The following DOCK8 variants were observed in gnomAD, a reference collection of about 807,000 sequenced individuals.
DOCK8 encodes the protein dedicator of cytokinesis 8.
A neutral mutation model predicts 245.6 loss-of-function variants in DOCK8; 141 were observed. The observed-to-expected ratio is 0.57, with a 90% CI of 0.50 to 0.66. The LOEUF is 0.66. Ranked by LOEUF, DOCK8 falls within the 30% of genes least tolerant of loss-of-function variation. The pLI is 0.00. For missense variants in DOCK8, 2,965 were observed against 2,603.4 expected (o/e 1.14, Z -3.02); for synonymous variants, 1,168 against 970.2 (o/e 1.20, Z -3.79).
intron 6 of DOCK8, among the ~76,000 whole-genome samples, chr9:315,373 T>A (rs1486038554): frequency 1.3e-5 from 2 of 152,182 alleles, no homozygotes; most frequent in Non-Finnish European, 2.9e-5. Flanking sequence ...CTGAGGAAAT[T>A]CATATAGCTT....
chr9:238,242 G>A (rs748516936), intron 1 of DOCK8, among the ~76,000 whole-genome samples: 2 of 152,152 alleles, frequency 1.3e-5, no homozygotes, highest in Non-Finnish European at 2.9e-5. Context: ...TTCCATCCCA[G>A]CTCCACTGAT....
chr9:236,968 T>G (rs1169391283), intron 1 of DOCK8, among the ~76,000 whole-genome samples: 2 of 152,236 alleles, frequency 1.3e-5, no homozygotes, highest in East Asian at 3.8e-4. Flanking sequence ...GCTTACAAGA[T>G]TCATCAATCT....
At chr9:452,197 C>T in intron 46 of DOCK8, 80 bp downstream of exon 46, 1 of 895,534 alleles carries the variant, frequency 1.1e-6, no homozygotes, top group Non-Finnish European at 1.8e-6. Context: ...TTCAGCATCA[C>T]CTGAGAACTT....
chr9:415,422 T>G (rs1014931817), intron 29 of DOCK8, among the ~76,000 whole-genome samples: 1 of 152,220 alleles, frequency 6.6e-6, no homozygotes, highest in Non-Finnish European at 1.5e-5. Context: ...ATTAGAAAAT[T>G]CTATCATAGC....
intron 14 of DOCK8, 29 bp from the exon 15 acceptor site, chr9:367,989 T>G (rs765247243): frequency 7.7e-6 from 12 of 1,562,084 alleles, no homozygotes; most frequent in Middle Eastern, 1.7e-4. Flanking sequence ...TAGACCTTTT[T>G]CATTGATTCT....
intron 14 of DOCK8, among the ~76,000 whole-genome samples, chr9:364,835 G>A (rs1003810731): frequency 1.3e-5 from 2 of 152,100 alleles, no homozygotes; most frequent in African/African-American, 4.8e-5. Flanking sequence ...AGTCATTTCT[G>A]TTAAGATAAT....
In DOCK8 at chr9:449,079, G is replaced by A. The variant is rs116649570; in HGVS notation, c.5818-705G>A. ...AGTTGAGTAACATGAGGCTGTGTGC[G>A]GTGGCTCTTGCCTGTAATCCCAGCA... is the stretch of plus-strand genomic sequence containing the variant. On this transcript the variant is annotated intron_variant, in intron 44 of 47. Transcript: ENST00000432829. Among the ~76,000 whole-genome samples, 1,322 of 152,278 alleles carry A rather than the reference G, an allele frequency of 8.7e-3. 27 individuals carry two copies. The highest frequency in any genetic ancestry group is 0.03 in the African/African-American group (1,241 of 41,544).
At chr9:291,138 TA>T (rs1001287911) in intron 4 of DOCK8, among the ~76,000 whole-genome samples, 7 of 152,068 alleles carry the variant, frequency 4.6e-5, no homozygotes, top group African/African-American at 9.7e-5. Flanking sequence ...ATTAAAGATC[TA>T]AAAAAAATCT....
At chr9:429,587 G>A (rs2056632674) in intron 35 of DOCK8, 115 bp from the exon 36 acceptor site, 3 of 1,208,016 alleles carry the variant, frequency 2.5e-6, no homozygotes, top group South Asian at 1.2e-5. Flanking sequence ...ATGGAATAAT[G>A]CATTAACTCT....
Position 334,457 on chromosome 9 carries a change from G to A in DOCK8, c.1285+73G>A, listed in dbSNP as rs747430942. The stretch of plus-strand genomic sequence containing the variant: ...CTGCCCAGGTCCACAGCTTACTAGC[G>A]GGGACTGGGGGCACAGTGAGGTGTG... On this transcript the variant is annotated intron_variant, in intron 11 of 47. Transcript: ENST00000432829. 114 of 1,516,458 alleles carry A rather than the reference G, an allele frequency of 7.5e-5. No homozygotes were observed. The South Asian group carries it at 8.2e-4, about 11-fold the overall frequency. 93.9% of individuals were successfully genotyped at this position (1,516,458 alleles called of 1,614,324 possible). A position where few individuals can be genotyped will look rare whatever the true frequency, so the allele number is the denominator to read the frequency against.
In DOCK8 at chr9:400,909, C is replaced by T. The variant is rs1564016274; in HGVS notation, c.3234+1650C>T. 1.2e-4 allele frequency among the ~76,000 whole-genome samples: 14 copies of T among 120,456 alleles called. 2 individuals carry two copies. The highest frequency in any genetic ancestry group is 4.3e-3 in the Middle Eastern group (1 of 234). 79.0% of individuals were successfully genotyped at this position (120,456 alleles called of 152,430 possible). ...CCACCACCACCTCCCCCACTACCAA[C>T]AGCTCCTTCACCATCACCACAACAT... On this transcript the variant is annotated intron_variant, in intron 26 of 47. Transcript: ENST00000432829.
At chr9:279,465 G>A (rs1390680173) in intron 2 of DOCK8, among the ~76,000 whole-genome samples, 1 of 152,204 alleles carries the variant, frequency 6.6e-6, no homozygotes, top group Non-Finnish European at 1.5e-5. Context: ...CCAGGGCACT[G>A]CATAGCAGGA....
chr9:299,351 A>G (rs546926363), intron 4 of DOCK8, among the ~76,000 whole-genome samples: 26 of 152,270 alleles, frequency 1.7e-4, no homozygotes, highest in African/African-American at 6.0e-4. Flanking sequence ...ATAACTGTTA[A>G]TGGACAATCC....
chr9:328,401 T>C (rs1347954321), intron 9 of DOCK8, among the ~76,000 whole-genome samples: 1 of 152,234 alleles, frequency 6.6e-6, no homozygotes, highest in Non-Finnish European at 1.5e-5. Context: ...CTTTACAACC[T>C]AGTAATTAAA....
At chr9:319,509 A>G (rs973116708) in intron 7 of DOCK8, among the ~76,000 whole-genome samples, 4 of 152,228 alleles carry the variant, frequency 2.6e-5, no homozygotes, top group Non-Finnish European at 5.9e-5. Context: ...ACTTAGAGTA[A>G]ACTAGATGAA....
chr9:219,549 G>A (rs2046837897), intron 1 of DOCK8, among the ~76,000 whole-genome samples: 1 of 152,136 alleles, frequency 6.6e-6, no homozygotes, highest in South Asian at 2.1e-4. Context: ...TTTTATGAAA[G>A]ACAAAAACAA....
Position 446,517 on chromosome 9 carries a change from C to T in DOCK8, c.5728C>T (p.His1910Tyr). Residue 1910 changes from histidine to tyrosine, a missense_variant, in exon 44 of 48, where the codon CAT becomes TAT. His to Tyr is a moderately conservative substitution (Grantham distance 83). This residue lies in a region of DOCK8 where 2,825 missense variants were observed against 2,453.5 expected (regional missense o/e 1.15). Transcript: ENST00000432829. ...TLEGRPRGELHEQYRRNTVLT... is the reference protein window; with the variant it reads ...TLEGRPRGELYEQYRRNTVLT... ...GGAGGGGCGGCCTCGGGGAGAGCTG[C>T]ATGAGCAGTACAGAAGGAACACAGT... The T allele has an allele frequency of 6.2e-7, 1 of 1,614,252 alleles. No individual in the cohort carries two copies. Among genetic ancestry groups the T allele is most frequent in the South Asian group, 1.1e-5 (1 of 91,090 alleles).
intron 1 of DOCK8, among the ~76,000 whole-genome samples, chr9:249,784 A>ATT (rs5895836): frequency 0.14 from 20,464 of 141,756 alleles, 1,764 homozygotes; most frequent in East Asian, 0.4. Context: ...TGCCTGGCTA[A>ATT]TTTTTTTTTT....
intron 25 of DOCK8, among the ~76,000 whole-genome samples, chr9:398,759 T>C (rs2054584954): frequency 1.3e-5 from 2 of 151,704 alleles, no homozygotes; most frequent in South Asian, 4.2e-4. Context: ...AACTGTCTCA[T>C]TGAAAACAGT....
Sources: allele counts gnomAD v4.1 joint callset (sites outside exome capture counted in the v4.1 genomes callset), GRCh38; gene constraint gnomAD v4.1.1; regional missense constraint gnomAD v4.1.1; transcripts MANE v1.5; gene names NCBI Gene and HGNC (gene_info 2026-07-23, HGNC 2026-07-21).